The following ATE1 variants were observed in gnomAD, a reference collection of about 807,000 sequenced individuals.
ATE1 encodes arginyltransferase 1, also known as arginyl-tRNA--protein transferase 1.
In ATE1, 36 loss-of-function variants were observed where a neutral mutation model predicts 70.5. The ratio of observed to expected loss-of-function variants is 0.51; its 90% CI spans 0.39 to 0.67. The LOEUF (loss-of-function observed/expected upper bound fraction) is 0.67, where lower values mean the gene tolerates loss of function less well. Among genes scored for constraint, ATE1 ranks in the 30% least tolerant of loss-of-function variants. ATE1 has a pLI of 0.00. For missense variants in ATE1, 593 were observed against 629.5 expected (o/e 0.94, Z 0.62); for synonymous variants, 232 against 219.3 (o/e 1.06, Z -0.51).
At chr10:121,898,373 A>G (rs1228891289) in intron 7 of ATE1, among the ~76,000 whole-genome samples, 3 of 152,252 alleles carry the variant, frequency 2.0e-5, no homozygotes, top group Non-Finnish European at 4.4e-5. Flanking sequence ...ACTGCAGATT[A>G]TAAGTGTTCT....
intron 8 of ATE1, among the ~76,000 whole-genome samples, chr10:121,842,090 T>C (rs1948652116): frequency 6.6e-6 from 1 of 152,172 alleles, no homozygotes; most frequent in Non-Finnish European, 1.5e-5. Flanking sequence ...TTGTATCTTC[T>C]AGGTGAGAGT....
In ATE1 at chr10:121,913,903, C is replaced by A. The variant is rs771758054; in HGVS notation, c.234-10G>T. On this transcript the variant is annotated splice_polypyrimidine_tract_variant and intron_variant, in intron 3 of 11. Transcript: ENST00000224652. ...TTGTAAAGGTCGGCACCTAGGAAAG[C>A]AAAATAAATATTTAAAAAGTGAACT... 2 of 1,593,110 alleles carry A rather than the reference C, an allele frequency of 1.3e-6. No individual in the cohort carries two copies. Among genetic ancestry groups the A allele is most frequent in the East Asian group, 2.2e-5 (1 of 44,520 alleles).
intron 11 of ATE1, among the ~76,000 whole-genome samples, chr10:121,762,995 A>AAG (rs1197630595): frequency 6.6e-6 from 1 of 152,176 alleles, no homozygotes; most frequent in Non-Finnish European, 1.5e-5. Context: ...ATGTTAACTG[A>AAG]AGACTTACTG....
At chr10:121,908,752 A>G (rs1447965307) in intron 5 of ATE1, among the ~76,000 whole-genome samples, 1 of 152,206 alleles carries the variant, frequency 6.6e-6, no homozygotes, top group African/African-American at 2.4e-5. Flanking sequence ...TCCTCAAATA[A>G]TTCAAACTCA....
intron 7 of ATE1, among the ~76,000 whole-genome samples, chr10:121,887,101 A>G (rs1214876481): frequency 2.0e-5 from 3 of 152,182 alleles, no homozygotes; most frequent in Non-Finnish European, 4.4e-5. Flanking sequence ...AGAAGCCTTT[A>G]TTCATACTTC....
In ATE1 at chr10:121,913,965, C is replaced by A. The variant is rs1951543789; in HGVS notation, c.234-72G>T. On this transcript the variant is annotated intron_variant, in intron 3 of 11. Coordinates refer to ENST00000224652, the MANE Select transcript of ATE1 (RefSeq NM_001001976.3). The stretch of plus-strand genomic sequence containing the variant: ...GAAATGAAATCAGTTCTGGATATCA[C>A]CTAGTACAATGAGACCATCTCATGC... 2.5e-6 allele frequency: 3 copies of A among 1,176,974 alleles called. No homozygotes were observed. In the East Asian group the frequency reaches 7.6e-5, roughly 30 times the overall value. The allele number at this position is 1,176,974 out of a possible 1,614,324, so 72.9% of individuals were successfully genotyped here.
At chr10:121,828,701 G>A (rs1374174028) in intron 10 of ATE1, among the ~76,000 whole-genome samples, 2 of 152,156 alleles carry the variant, frequency 1.3e-5, no homozygotes, top group Non-Finnish European at 2.9e-5. Flanking sequence ...AGACAGGGAT[G>A]AGAAGCCCTG....
rs542504689 is a variant in ATE1, at chr10:121,749,014, T to C, written c.1379-5156A>G. On this transcript the variant is annotated intron_variant, in intron 11 of 11. Coordinates refer to ENST00000224652, the MANE Select transcript of ATE1 (RefSeq NM_001001976.3). ...AAACTTTTTAATTAATTTACTAAAA[T>C]ACGACTTAATTTTGTCAACTGTCCC... Among the ~76,000 whole-genome samples, 6 of 152,322 alleles carry C rather than the reference T, an allele frequency of 3.9e-5. No individual in the cohort carries two copies. In the East Asian group the frequency reaches 9.7e-4, roughly 25 times the overall value.
chr10:121,785,495 A>G (rs576764349), intron 11 of ATE1, among the ~76,000 whole-genome samples: 2 of 152,306 alleles, frequency 1.3e-5, no homozygotes, highest in African/African-American at 4.8e-5. Context: ...AATCAAGGTC[A>G]GAGTGGGACT....
chr10:121,827,339 G>A (rs960883309), intron 10 of ATE1, among the ~76,000 whole-genome samples: 2 of 152,106 alleles, frequency 1.3e-5, no homozygotes, highest in Admixed American at 1.3e-4. Flanking sequence ...GGAGACAGAG[G>A]AGAGAAAATT....
chr10:121,891,304 T>C (rs1238618861), intron 7 of ATE1, among the ~76,000 whole-genome samples: 1 of 152,102 alleles, frequency 6.6e-6, no homozygotes, highest in Non-Finnish European at 1.5e-5. Flanking sequence ...TCTTTTATTA[T>C]GCAAATGTGG....
intron 10 of ATE1, among the ~76,000 whole-genome samples, chr10:121,803,877 C>T (rs940187563): frequency 2.0e-5 from 3 of 151,988 alleles, no homozygotes; most frequent in Non-Finnish European, 2.9e-5. Context: ...TCCTTTTTTT[C>T]GGCCTGATGG....
intron 1 of ATE1, 21 bp downstream of exon 1, chr10:121,927,823 C>T (rs1479069278): frequency 1.9e-6 from 3 of 1,545,466 alleles, no homozygotes; most frequent in Admixed American, 3.9e-5. Flanking sequence ...CTTCCCACGC[C>T]CGCCGGCCCG....
At chr10:121,919,471 G>A (rs1363422937) in intron 3 of ATE1, among the ~76,000 whole-genome samples, 1 of 152,108 alleles carries the variant, frequency 6.6e-6, no homozygotes, top group Non-Finnish European at 1.5e-5. Context: ...TGAGGCAGGA[G>A]AATCGCTTGA....
At chr10:121,807,356 C>T (rs1381448627) in intron 10 of ATE1, among the ~76,000 whole-genome samples, 2 of 152,166 alleles carry the variant, frequency 1.3e-5, no homozygotes, top group Non-Finnish European at 2.9e-5. Flanking sequence ...ATCGCCATTA[C>T]ATTTAGTTTG....
intron 10 of ATE1, among the ~76,000 whole-genome samples, chr10:121,830,114 T>C (rs1159468000): frequency 6.6e-6 from 1 of 152,222 alleles, no homozygotes; most frequent in East Asian, 1.9e-4. Flanking sequence ...TAAGCAGATG[T>C]GCTATTCCTT....
intron 10 of ATE1, among the ~76,000 whole-genome samples, chr10:121,797,589 TAAAAA>T (rs35428247): frequency 6.9e-6 from 1 of 145,312 alleles, no homozygotes; most frequent in Non-Finnish European, 1.5e-5. Context: ...TGAGTGGGAG[TAAAAA>T]AAAAAAAAAA....
At chr10:121,876,183 G>C (rs1950043038) in intron 7 of ATE1, among the ~76,000 whole-genome samples, 1 of 152,114 alleles carries the variant, frequency 6.6e-6, no homozygotes, top group South Asian at 2.1e-4. Context: ...CAATGCCACA[G>C]ATGTACTATA....
At chr10:121,772,750 G>A (rs181269974) in intron 11 of ATE1, among the ~76,000 whole-genome samples, 10 of 152,286 alleles carry the variant, frequency 6.6e-5, no homozygotes, top group African/African-American at 2.4e-4. Flanking sequence ...AAAGTCAACC[G>A]CTTAAGCAGA....
Sources: gnomAD v4.1 joint callset for allele counts (sites outside exome capture counted in the v4.1 genomes callset) on GRCh38, gnomAD v4.1.1 for gene constraint, MANE v1.5 for transcripts, NCBI Gene and HGNC (gene_info 2026-07-23, HGNC 2026-07-21) for gene names.